MRAS: variants seen among roughly 807,000 people sequenced by gnomAD.
The protein encoded by MRAS is muscle RAS oncogene homolog.
In MRAS, 4 loss-of-function variants were observed where a neutral mutation model predicts 20.9. The observed-to-expected ratio is 0.19, with a 90% CI of 0.09 to 0.44. The LOEUF (loss-of-function observed/expected upper bound fraction) is 0.44, where lower values mean the gene tolerates loss of function less well. Among genes scored for constraint, MRAS ranks in the 20% least tolerant of loss-of-function variants. MRAS has a pLI of 0.99. For missense variants in MRAS, 154 were observed against 277.5 expected, an observed-to-expected ratio of 0.56 and a Z score of 3.16; for synonymous variants, 98 against 102.9, an observed-to-expected ratio of 0.95 and a Z score of 0.29.
intron 2 of MRAS, among the ~76,000 whole-genome samples, chr3:138,386,217 C>T (rs754070803): frequency 5.9e-5 from 9 of 152,060 alleles, no homozygotes; most frequent in Non-Finnish European, 1.2e-4. Flanking sequence ...TGAACGTATT[C>T]ATCCCCAACC....
intron 2 of MRAS, among the ~76,000 whole-genome samples, chr3:138,374,047 C>T (rs185244): frequency 0.19 from 28,625 of 152,018 alleles, 2,925 homozygotes; most frequent in African/African-American, 0.28. Flanking sequence ...CAACCTCCGC[C>T]TCTCGGGTTC....
chr3:138,375,007 C>T (rs1053388876), intron 2 of MRAS, among the ~76,000 whole-genome samples: 2 of 152,094 alleles, frequency 1.3e-5, no homozygotes, highest in Admixed American at 1.3e-4. Flanking sequence ...TCAGCTTCCC[C>T]AGTAGCTAGG....
intron 2 of MRAS, among the ~76,000 whole-genome samples, chr3:138,389,247 T>G (rs2055079920): frequency 6.6e-6 from 1 of 151,940 alleles, no homozygotes; most frequent in African/African-American, 2.4e-5. Flanking sequence ...ATGCATCTAG[T>G]CATTCTGCAA....
rs772406756 is a variant in MRAS at position 138,400,570 on chromosome 3, C to G, written c.484C>G (p.Leu162Val). The change falls in exon 5 of 6, where the codon CTC becomes GTC. Residue 162 changes from leucine (L) to valine (V), a missense_variant. Physicochemically the swap from Leu to Val is conservative, Grantham distance 32. Coordinates refer to ENST00000423968, the MANE Select transcript of MRAS (RefSeq NM_001085049.3). Reference protein sequence around the residue: ...YIETSAKDPPLNVDKAFHDLV... With the variant: ...YIETSAKDPPVNVDKAFHDLV... ...AGAAACCAGTGCCAAGGACCCACCT[C>G]TCAATGTCGACAAAGCCTTCCATGA... The G allele has an allele frequency of 1.2e-6, 2 of 1,613,832 alleles. No individual in the cohort carries two copies. The highest frequency in any genetic ancestry group is 1.7e-6 in the Non-Finnish European group (2 of 1,179,706).
intron 2 of MRAS, among the ~76,000 whole-genome samples, chr3:138,376,829 G>A (rs1421717200): frequency 6.6e-6 from 1 of 152,102 alleles, no homozygotes; most frequent in Non-Finnish European, 1.5e-5. Flanking sequence ...CTTCCCACAG[G>A]GGTCATTTTT....
intron 2 of MRAS, among the ~76,000 whole-genome samples, chr3:138,386,394 T>G (rs978808428): frequency 2.0e-5 from 3 of 152,246 alleles, no homozygotes; most frequent in African/African-American, 7.2e-5. Context: ...CTTCTTTCAC[T>G]TAGCACAGTG....
chr3:138,356,943 A>G (rs1371613056), intron 1 of MRAS, among the ~76,000 whole-genome samples: 1 of 152,198 alleles, frequency 6.6e-6, no homozygotes, highest in Non-Finnish European at 1.5e-5. Flanking sequence ...GAATCCACTA[A>G]TCTGGGGCTG....
chr3:138,381,595 G>T (rs910359584), intron 2 of MRAS, among the ~76,000 whole-genome samples: 2 of 152,164 alleles, frequency 1.3e-5, no homozygotes, highest in African/African-American at 4.8e-5. Context: ...TTCTTCCATC[G>T]GTGGAGAACA....
At chr3:138,382,656 G>A (rs1442729970) in intron 2 of MRAS, among the ~76,000 whole-genome samples, 1 of 152,202 alleles carries the variant, frequency 6.6e-6, no homozygotes, top group Non-Finnish European at 1.5e-5. Flanking sequence ...AGCTCAGTGA[G>A]GCTTGGACTC....
At chr3:138,373,130 A>C in intron 2 of MRAS, 54 bp downstream of exon 2, 1 of 1,357,020 alleles carries the variant, frequency 7.4e-7, no homozygotes, top group South Asian at 1.9e-5. Context: ...GGGGAGGATC[A>C]GGGAAATTTG....
At chr3:138,382,547 A>G (rs1209905446) in intron 2 of MRAS, among the ~76,000 whole-genome samples, 1 of 152,138 alleles carries the variant, frequency 6.6e-6, no homozygotes, top group African/African-American at 2.4e-5. Flanking sequence ...ACCACTGGAA[A>G]ATTGCTGCTG....
At chr3:138,398,328 A>T in intron 3 of MRAS, 141 bp from the exon 4 acceptor site, 7 of 681,790 alleles carry the variant, frequency 1.0e-5, no homozygotes, top group Non-Finnish European at 1.8e-5. Flanking sequence ...CTGGAAAGGA[A>T]GAGGGAAGGG....
chr3:138,365,072 C>A (rs1463415916), intron 1 of MRAS, among the ~76,000 whole-genome samples: 1 of 152,216 alleles, frequency 6.6e-6, no homozygotes, highest in Non-Finnish European at 1.5e-5. Flanking sequence ...CAGATCCCGA[C>A]ACTGCCTCTT....
At chr3:138,392,281 C>T (rs953327232) in intron 2 of MRAS, among the ~76,000 whole-genome samples, 22 of 152,186 alleles carry the variant, frequency 1.4e-4, no homozygotes, top group African/African-American at 4.8e-4. Flanking sequence ...GATTGTAGCT[C>T]ATTGGAACCT....
intron 2 of MRAS, among the ~76,000 whole-genome samples, chr3:138,373,811 G>T (rs890197607): frequency 1.3e-5 from 2 of 152,198 alleles, no homozygotes; most frequent in Admixed American, 6.5e-5. Flanking sequence ...CTGTAGATCT[G>T]TTTGAGGAGA....
At chr3:138,374,340 C>T (rs571138176) in intron 2 of MRAS, among the ~76,000 whole-genome samples, 220 of 152,054 alleles carry the variant, frequency 1.4e-3, no homozygotes, top group Non-Finnish European at 2.4e-3. Context: ...TTGATGCTAC[C>T]GTAAATTATT....
At chr3:138,382,444 A>G (rs2054924086) in intron 2 of MRAS, among the ~76,000 whole-genome samples, 1 of 152,238 alleles carries the variant, frequency 6.6e-6, no homozygotes, top group South Asian at 2.1e-4. Flanking sequence ...TAGTCAAGTG[A>G]GAGTAAATCA....
At chr3:138,383,727 C>G (rs2054952610) in intron 2 of MRAS, among the ~76,000 whole-genome samples, 1 of 152,230 alleles carries the variant, frequency 6.6e-6, no homozygotes, top group African/African-American at 2.4e-5. Flanking sequence ...GTACCCATCT[C>G]TCTTTTGGGC....
chr3:138,354,231 C>CT (rs59853043), intron 1 of MRAS, among the ~76,000 whole-genome samples: 5,022 of 149,942 alleles, frequency 0.033, 273 homozygotes, highest in African/African-American at 0.11. Context: ...CATTTGTGCA[C>CT]TTTTTTTTTT....
Sources: gnomAD v4.1 joint callset for allele counts (sites outside exome capture counted in the v4.1 genomes callset) on GRCh38, gnomAD v4.1.1 for gene constraint, MANE v1.5 for transcripts, NCBI Gene and HGNC (gene_info 2026-07-23, HGNC 2026-07-21) for gene names.